Variants in TBL1X observed in about 807,000 individuals in gnomAD.
TBL1X encodes the protein transducin beta like 1 X-linked, also known as F-box-like/WD repeat-containing protein TBL1X.
In TBL1X, 10 loss-of-function variants were observed where a neutral mutation model predicts 50.7. The ratio of observed to expected loss-of-function variants is 0.20; its 90% CI spans 0.12 to 0.33. The LOEUF is 0.33. Ranked by LOEUF, TBL1X falls within the 10% of genes least tolerant of loss-of-function variation. The pLI, the probability that TBL1X is intolerant of heterozygous loss-of-function variation, is 1.00. For synonymous variants in TBL1X, 190 were observed against 214.7 expected (o/e 0.88, Z 1.01); for missense variants, 340 against 504.4 (o/e 0.67, Z 3.12).
Position 9,514,907 on chromosome X carries a change from C to T in TBL1X, c.-131+13058C>T, listed in dbSNP as rs1347989545. Among the ~76,000 whole-genome samples the T allele has an allele frequency of 2.7e-5, 3 of 111,988 alleles. No homozygotes were observed. In the South Asian group the frequency reaches 1.1e-3, roughly 42 times the overall value. The stretch of plus-strand genomic sequence containing the variant: ...GAGGATTGAGCAGAAGAGCTCATAG[C>T]GAGCCAGGGCGAACAACCTGGCGAG... On this transcript the variant is annotated intron_variant, in intron 2 of 17. Coordinates refer to ENST00000645353, the MANE Select transcript of TBL1X (RefSeq NM_005647.4).
At chrX:9,636,525 A>AACAACAACAACCACC (rs943883575) in intron 2 of TBL1X, 6 of 105,094 alleles carry the variant, frequency 5.7e-5, no homozygotes, top group Non-Finnish European at 1.2e-4. Flanking sequence ...CAACAACAAC[A>AACAACAACAACCACC]ACCATGTATG....
At position 9,717,429 on chromosome X, in the gene TBL1X, G is replaced by C. The variant is rs1185252121; in HGVS notation, c.*1183G>C. 3 of 112,039 alleles carry C rather than the reference G, an allele frequency of 2.7e-5. No homozygotes were observed. Among genetic ancestry groups the C allele is most frequent in the Non-Finnish European group, 5.6e-5 (3 of 53,173 alleles). 9.2% of individuals were successfully genotyped at this position (112,039 alleles called of 1,213,427 possible). On this transcript the variant is annotated 3_prime_UTR_variant, in exon 18 of 18. Coordinates refer to ENST00000645353, the MANE Select transcript of TBL1X (RefSeq NM_005647.4). ...AAGGTGGTCAGGAAAACTCTGGCTG[G>C]ACAAGGGTCAGTCTTCGGGGTCAGC... is the stretch of plus-strand genomic sequence containing the variant.
intron 2 of TBL1X, among the ~76,000 whole-genome samples, chrX:9,555,013 C>T (rs770335874): frequency 8.9e-6 from 1 of 111,979 alleles, no homozygotes; most frequent in South Asian, 3.7e-4. Flanking sequence ...TATGTCTGGC[C>T]TCGTTCATTT....
intron 5 of TBL1X, among the ~76,000 whole-genome samples, chrX:9,664,458 G>A (rs773442587): frequency 9.0e-6 from 1 of 111,208 alleles, no homozygotes; most frequent in Non-Finnish European, 1.9e-5. Flanking sequence ...CTGTGGGGCC[G>A]TTGGAAACAG....
chrX:9,569,764 C>T (rs1300138360), intron 2 of TBL1X, among the ~76,000 whole-genome samples: 4 of 112,326 alleles, frequency 3.6e-5, no homozygotes, highest in Non-Finnish European at 5.6e-5. Context: ...GTAGTTGTCA[C>T]GGAAAGGGGC....
chrX:9,702,467 A>C (rs980862731), intron 12 of TBL1X, among the ~76,000 whole-genome samples: 6 of 104,630 alleles, frequency 5.7e-5, no homozygotes, highest in African/African-American at 1.4e-4. Context: ...AAAACTGGGC[A>C]TGGTGGCACA....
chrX:9,628,776 G>T (rs1465820324), intron 2 of TBL1X, among the ~76,000 whole-genome samples: 1 of 111,921 alleles, frequency 8.9e-6, no homozygotes, highest in Admixed American at 9.4e-5. Flanking sequence ...TCAAACTCCT[G>T]ACCTCAGGTG....
intron 2 of TBL1X, among the ~76,000 whole-genome samples, chrX:9,613,910 CG>C (rs2082626105): frequency 1.0e-5 from 1 of 96,738 alleles, no homozygotes; most frequent in African/African-American, 4.0e-5. Context: ...AGCTTGAAAC[CG>C]GGAGGCGGAG....
intron 1 of TBL1X, among the ~76,000 whole-genome samples, chrX:9,470,609 G>T (rs1383493821): frequency 8.9e-6 from 1 of 112,231 alleles, no homozygotes; most frequent in Admixed American, 9.4e-5. Context: ...CATTGTTTCA[G>T]ATGGGACATT....
At chrX:9,494,453 A>G (rs981047945) in intron 1 of TBL1X, among the ~76,000 whole-genome samples, 5 of 111,835 alleles carry the variant, frequency 4.5e-5, no homozygotes, top group Non-Finnish European at 7.5e-5. Flanking sequence ...TCATTATCTT[A>G]GTTCTCTTTG....
intron 2 of TBL1X, among the ~76,000 whole-genome samples, chrX:9,544,728 A>G (rs189411713): frequency 1.4e-3 from 150 of 109,611 alleles, no homozygotes; most frequent in Non-Finnish European, 5.1e-4. Flanking sequence ...ACGCCCAGCT[A>G]ATTTTTTTGT....
chrX:9,598,492 C>T (rs185036562), intron 2 of TBL1X, among the ~76,000 whole-genome samples: 7 of 111,616 alleles, frequency 6.3e-5, no homozygotes, highest in African/African-American at 2.3e-4. Context: ...GCAGAGTTTG[C>T]TCGCTACCCC....
chrX:9,700,791 C>G (rs2083165579), intron 12 of TBL1X, among the ~76,000 whole-genome samples: 1 of 111,378 alleles, frequency 9.0e-6, no homozygotes, highest in Admixed American at 9.6e-5. Context: ...AGCCTTAGCT[C>G]AGAGCCTCGT....
intron 12 of TBL1X, among the ~76,000 whole-genome samples, chrX:9,703,478 T>G (rs140021603): frequency 0.037 from 4,177 of 111,494 alleles, 78 homozygotes; most frequent in Middle Eastern, 0.083. Flanking sequence ...ACCGGAGACC[T>G]GAGCACAGCG....
intron 11 of TBL1X, among the ~76,000 whole-genome samples, chrX:9,695,127 A>G (rs2083123985): frequency 8.9e-6 from 1 of 112,105 alleles, no homozygotes; most frequent in Admixed American, 9.5e-5. Context: ...ATTTAAATAA[A>G]GTTGTATTGG....
chrX:9,652,729 T>G (rs1196918807), intron 3 of TBL1X, among the ~76,000 whole-genome samples: 1 of 110,156 alleles, frequency 9.1e-6, no homozygotes, highest in Non-Finnish European at 1.9e-5. Flanking sequence ...TGCCCACCTT[T>G]GGTCACAGCT....
At chrX:9,590,025 A>G (rs1415291539) in intron 2 of TBL1X, among the ~76,000 whole-genome samples, 2 of 111,772 alleles carry the variant, frequency 1.8e-5, no homozygotes, top group Non-Finnish European at 3.8e-5. Flanking sequence ...AGACAAACCC[A>G]AACTGAGAGG....
Position 9,717,377 on chromosome X carries a change from C to T in TBL1X, c.*1131C>T, listed in dbSNP as rs1237158399. 1 of 112,206 alleles carries T rather than the reference C, an allele frequency of 8.9e-6. No homozygotes were observed. Among genetic ancestry groups the T allele is most frequent in the African/African-American group, 3.2e-5 (1 of 30,919 alleles). 9.2% of individuals were successfully genotyped at this position (112,206 alleles called of 1,213,427 possible). ...AAGCCACAGGCAGGGCCTGAGGGAG[C>T]CCCTGGCTTTCCCCTCAGCCTCAGG... is the stretch of plus-strand genomic sequence containing the variant. On this transcript the variant is annotated 3_prime_UTR_variant, in exon 18 of 18. Transcript: ENST00000645353.
chrX:9,614,504 C>T (rs1011856198), intron 2 of TBL1X, among the ~76,000 whole-genome samples: 5 of 110,845 alleles, frequency 4.5e-5, no homozygotes, highest in African/African-American at 9.9e-5. Flanking sequence ...GAGGCTGCAG[C>T]GAGCCAGGAT....
Sources: gnomAD v4.1 joint callset for allele counts (sites outside exome capture counted in the v4.1 genomes callset) on GRCh38, gnomAD v4.1.1 for gene constraint, MANE v1.5 for transcripts, NCBI Gene and HGNC (gene_info 2026-07-23, HGNC 2026-07-21) for gene names.